AHNAK: variants seen among roughly 807,000 people sequenced by gnomAD.
The protein encoded by AHNAK is neuroblast differentiation-associated protein AHNAK.
A neutral mutation model predicts 37.8 loss-of-function variants in AHNAK; 23 were observed. The ratio of observed to expected loss-of-function variants is 0.61; its 90% CI spans 0.44 to 0.86. The LOEUF (loss-of-function observed/expected upper bound fraction) is 0.86, where lower values mean the gene tolerates loss of function less well. Among genes scored for constraint, AHNAK ranks in the 40% least tolerant of loss-of-function variants. AHNAK has a pLI of 0.00. For missense variants in AHNAK, 7,411 were observed against 7,319.4 expected (o/e 1.01, Z -0.46); for synonymous variants, 2,481 against 2,636.3 (o/e 0.94, Z 1.80).
chr11:62,470,700 A>AGCTT (rs1939018068), intron 5 of AHNAK, among the ~76,000 whole-genome samples: 1 of 152,194 alleles, frequency 6.6e-6, no homozygotes, highest in Non-Finnish European at 1.5e-5. Context: ...TGCTGATTAA[A>AGCTT]GAGTCCGACA....
At chr11:62,451,130 G>A (rs1342045031) in intron 5 of AHNAK, among the ~76,000 whole-genome samples, 6 of 150,010 alleles carry the variant, frequency 4.0e-5, no homozygotes, top group African/African-American at 1.5e-4. Flanking sequence ...ACTCAGGCTA[G>A]AGTGCAGTGG....
rs900839241 is a variant in AHNAK at position 62,536,279 on chromosome 11, G to A, written c.1-181C>T. ...TTGGGGGTGGGGTAATTCGTCTCAC[G>A]TCCTTCCACTGTGGAAGTTCTCCCA... On this transcript the variant is annotated intron_variant, in intron 2 of 4. Transcript: ENST00000378024. The A allele has an allele frequency of 5.1e-5, 29 of 566,308 alleles. No homozygotes were observed. The Admixed American group carries it at 7.1e-4, about 14-fold the overall frequency. The allele number at this position is 566,308 out of a possible 1,614,324, so 35.1% of individuals were successfully genotyped here.
rs200258268 is a variant in AHNAK at position 62,533,841 on chromosome 11, G to A, written c.576C>T (p.Ile192=). 419 of 1,614,190 alleles carry A rather than the reference G, an allele frequency of 2.6e-4. 7 individuals carry two copies. The South Asian group carries it at 4.1e-3, about 16-fold the overall frequency. Residue 192 remains isoleucine, a synonymous_variant, in exon 5 of 5, where the codon ATC becomes ATT. Transcript: ENST00000378024. ...ACTGGGTCTCCACATCCACATTGGA[G>A]ATTTCAGTCAGTTCATGTCTTGGAA... is the stretch of plus-strand genomic sequence containing the variant. ...IKIPRHELTE[I]SNVDVETQSG...
intron 5 of AHNAK, among the ~76,000 whole-genome samples, chr11:62,458,989 T>C (rs557911554): frequency 1.6e-4 from 24 of 152,204 alleles, no homozygotes; most frequent in African/African-American, 5.5e-4. Flanking sequence ...GATTGCCACC[T>C]GTCTTGGTTT....
intron 5 of AHNAK, among the ~76,000 whole-genome samples, chr11:62,478,256 A>C (rs1201843233): frequency 6.6e-6 from 1 of 152,228 alleles, no homozygotes; most frequent in Non-Finnish European, 1.5e-5. Flanking sequence ...GGGGCTAAGC[A>C]GGAGCTGGGG....
intron 1 of AHNAK, among the ~76,000 whole-genome samples, chr11:62,540,864 G>A (rs1412851544): frequency 6.6e-6 from 1 of 152,178 alleles, no homozygotes; most frequent in African/African-American, 2.4e-5. Context: ...CTTCAAAACT[G>A]CAAAGAGGAT....
chr11:62,535,338 A>T, intron 3 of AHNAK, 148 bp from the exon 4 acceptor site: 1 of 742,534 alleles, frequency 1.3e-6, no homozygotes, highest in East Asian at 2.7e-5. Context: ...AGACACGGAA[A>T]CTGAGGCTTA....
At chr11:62,513,407 C>T (rs1388510123), downstream of AHNAK, among the ~76,000 whole-genome samples, 3 of 152,150 alleles carry the variant, frequency 2.0e-5, no homozygotes, top group African/African-American at 4.8e-5. Context: ...TGGTGGCAGG[C>T]GCCTTTAATC....
chr11:62,441,860 C>G (rs756456359), intron 5 of AHNAK, among the ~76,000 whole-genome samples: 1 of 152,112 alleles, frequency 6.6e-6, no homozygotes, highest in Non-Finnish European at 1.5e-5. Flanking sequence ...TCACCCTCAC[C>G]GAGCCCTCTG....
Position 62,523,651 on chromosome 11 carries a change from G to T in AHNAK, c.10766C>A (p.Pro3589Gln). The T allele has an allele frequency of 6.2e-7, 1 of 1,614,012 alleles. No individual in the cohort carries two copies. The highest frequency in any genetic ancestry group is 8.5e-7 in the Non-Finnish European group (1 of 1,180,008). ...IKGPKVDINA[P>Q]DVDVHGPDWH... is the part of the protein sequence containing the mutation. Reference sequence around the variant, plus strand: ...GTCTGGACCATGAACATCCACATCTGGGGCATTGATGTCCACTTTAGGGCC... The same window carrying T: ...GTCTGGACCATGAACATCCACATCTTGGGCATTGATGTCCACTTTAGGGCC... Residue 3589 changes from proline to glutamine, a missense_variant, in exon 5 of 5, where the codon CCA becomes CAA. Physicochemically the swap from Pro to Gln is moderately conservative, Grantham distance 76 (BLOSUM62 -1). Transcript: ENST00000378024.
At chr11:62,474,435 C>T (rs1939103218) in intron 5 of AHNAK, among the ~76,000 whole-genome samples, 1 of 152,168 alleles carries the variant, frequency 6.6e-6, no homozygotes, top group Non-Finnish European at 1.5e-5. Context: ...CTGCCCTCAG[C>T]CTCCCAAAGT....
At chr11:62,543,337 C>T (rs578034032) in intron 1 of AHNAK, among the ~76,000 whole-genome samples, 51 of 152,280 alleles carry the variant, frequency 3.3e-4, no homozygotes, top group African/African-American at 1.2e-3. Flanking sequence ...CCTCCAAGCC[C>T]GATGACAACG....
chr11:62,515,477 A>G (rs1939991859), downstream of AHNAK, among the ~76,000 whole-genome samples: 1 of 152,226 alleles, frequency 6.6e-6, no homozygotes, highest in South Asian at 2.1e-4. Flanking sequence ...AGATTGTGCC[A>G]CTGCACTCCA....
chr11:62,474,756 C>G (rs1374345876), intron 5 of AHNAK, among the ~76,000 whole-genome samples: 1 of 152,178 alleles, frequency 6.6e-6, no homozygotes, highest in African/African-American at 2.4e-5. Flanking sequence ...ACACTGAGCA[C>G]CCCGTGCTGG....
chr11:62,440,450 A>G (rs1005552480), intron 5 of AHNAK, among the ~76,000 whole-genome samples: 5 of 151,720 alleles, frequency 3.3e-5, no homozygotes, highest in Non-Finnish European at 5.9e-5. Context: ...TCCAGAAACA[A>G]CCCGTGGCTG....
Position 62,530,064 on chromosome 11 carries a change from T to C in AHNAK, c.4353A>G (p.Ile1451Met), listed in dbSNP as rs1030117816. The C allele has an allele frequency of 1.9e-6, 3 of 1,613,822 alleles. No individual in the cohort carries two copies. Among genetic ancestry groups the C allele is most frequent in the Non-Finnish European group, 2.5e-6 (3 of 1,179,936 alleles). Residue 1451 changes from isoleucine (I) to methionine (M), a missense_variant, in exon 5 of 5, where the codon ATA (isoleucine) becomes ATG (methionine). By Grantham distance (10) the Ile-to-Met change is conservative. Coordinates refer to ENST00000378024, the MANE Select transcript of AHNAK (RefSeq NM_001620.3). ...MPEMSIKPQKISIPDVGLHLK... is the reference protein window; with the variant it reads ...MPEMSIKPQKMSIPDVGLHLK... ...AATGCAAACCAACATCTGGTATGGA[T>C]ATCTTCTGAGGCTTTATACTCATTT...
chr11:62,476,085 A>G (rs569231097), intron 5 of AHNAK, among the ~76,000 whole-genome samples: 3 of 152,302 alleles, frequency 2.0e-5, no homozygotes, highest in South Asian at 4.1e-4. Context: ...GGCAACATCA[A>G]TGCATTCGGC....
Position 62,527,444 on chromosome 11 carries a change from TG to T in AHNAK, c.6972del (p.Ile2326SerfsTer16). The T allele has an allele frequency of 6.2e-7, 1 of 1,614,188 alleles. No homozygotes were observed. Among genetic ancestry groups the T allele is most frequent in the Non-Finnish European group, 8.5e-7 (1 of 1,180,016 alleles). ...GAAACATCAACATCTCCTTTGATTTTGGGTCCCTTTAAATTGAAATCAACAT... is the reference window on the plus strand; with the variant it reads ...GAAACATCAACATCTCCTTTGATTTTGGTCCCTTTAAATTGAAATCAACAT... ...MPDVDFNLKGPKIKGDVDVSA... is the reference protein window; with the variant it reads ...MPDVDFNLKGXKIKGDVDVSA... On this transcript the variant is annotated frameshift_variant, in exon 5 of 5. Coordinates refer to ENST00000378024, the MANE Select transcript of AHNAK (RefSeq NM_001620.3). LOFTEE classifies it low-confidence loss of function (END_TRUNC).
Position 62,524,787 on chromosome 11 carries a change from T to C in AHNAK, c.9630A>G (p.Pro3210=), listed in dbSNP as rs369915220. 1.2e-6 allele frequency: 2 copies of C among 1,614,084 alleles called. No individual in the cohort carries two copies. Among genetic ancestry groups the C allele is most frequent in the African/African-American group, 2.7e-5 (2 of 74,942 alleles). The change falls in exon 5 of 5, where the codon CCA becomes CCG. Residue 3210 remains proline (P), a synonymous_variant. Coordinates refer to ENST00000378024, the MANE Select transcript of AHNAK (RefSeq NM_001620.3). ...AKLKGPKFKM[P]EMNIKAPKIS... is the part of the protein sequence containing the mutation. ...TTTTAGGAGCTTTGATGTTCATCTC[T>C]GGCATCTTGAATTTAGGGCCCTTCA...
Sources: gnomAD v4.1 joint callset for allele counts (sites outside exome capture counted in the v4.1 genomes callset) on GRCh38, gnomAD v4.1.1 for gene constraint, MANE v1.5 for transcripts, NCBI Gene and HGNC (gene_info 2026-07-23, HGNC 2026-07-21) for gene names.